The following NCOA5 variants were observed in gnomAD, a reference collection of about 807,000 sequenced individuals.
NCOA5 encodes nuclear receptor coactivator 5.
In NCOA5, 12 loss-of-function variants were observed where a neutral mutation model predicts 59.0. That is an observed-to-expected ratio of 0.20 (90% CI 0.13 to 0.33). The LOEUF is 0.33. Ranked by LOEUF, NCOA5 falls within the 10% of genes least tolerant of loss-of-function variation. The pLI is 1.00. For synonymous variants in NCOA5, 270 were observed against 275.5 expected (o/e 0.98, Z 0.20); for missense variants, 655 against 766.6 (o/e 0.85, Z 1.72).
chr20:46,078,111 T>C (rs1600629560), intron 2 of NCOA5, among the ~76,000 whole-genome samples: 1 of 152,192 alleles, frequency 6.6e-6, no homozygotes, highest in African/African-American at 2.4e-5. Flanking sequence ...GCTGTAGCTA[T>C]GGTATTGGAT....
intron 2 of NCOA5, 131 bp downstream of exon 2, chr20:46,079,256 T>C: frequency 2.4e-6 from 2 of 841,628 alleles, no homozygotes; most frequent in East Asian, 2.5e-5. Context: ...TCACACAGGG[T>C]TCATGTTCTT....
Position 46,062,156 on chromosome 20 carries a change from AAG to A in NCOA5, c.*142_*143del, listed in dbSNP as rs1247301599. The A allele has an allele frequency of 8.0e-6, 5 of 626,346 alleles. No individual in the cohort carries two copies. The highest frequency in any genetic ancestry group is 7.3e-5 in the African/African-American group (4 of 54,440). The allele number at this position is 626,346 out of a possible 1,614,324, so 38.8% of individuals were successfully genotyped here. A position where few individuals can be genotyped will look rare whatever the true frequency, so the allele number is the denominator to read the frequency against. On this transcript the variant is annotated 3_prime_UTR_variant, in exon 8 of 8. Coordinates refer to ENST00000290231, the MANE Select transcript of NCOA5 (RefSeq NM_020967.3). ...GAATAAGCAACACAGCCTTGGGCAGAAGAGAGAGCAGGTGGTAGAAATTGATG... is the reference window on the plus strand; with the variant it reads ...GAATAAGCAACACAGCCTTGGGCAGAAGAGAGCAGGTGGTAGAAATTGATG...
intron 2 of NCOA5, among the ~76,000 whole-genome samples, chr20:46,078,731 C>G (rs1362172898): frequency 6.6e-6 from 1 of 152,004 alleles, no homozygotes; most frequent in Admixed American, 6.5e-5. Context: ...AGAGGAGGGA[C>G]CAATTTAATG....
In NCOA5 at chr20:46,062,544, G is replaced by A. The variant is rs2084777820; in HGVS notation, c.1496C>T (p.Pro499Leu). ...GQGGSAQNMGPRPGAPSQGLF... is the reference protein window; with the variant it reads ...GQGGSAQNMGLRPGAPSQGLF... ...CCCTTGGGAAGGAGCCCCAGGTCTG[G>A]GGCCCATGTTCTGAGCAGATCCTCC... Residue 499 changes from proline to leucine, a missense_variant, in exon 8 of 8, where the codon CCC becomes CTC. By Grantham distance (98) the Pro-to-Leu change is moderately conservative. Transcript: ENST00000290231. The A allele has an allele frequency of 3.7e-6, 6 of 1,614,204 alleles. No individual in the cohort carries two copies. The highest frequency in any genetic ancestry group is 4.2e-6 in the Non-Finnish European group (5 of 1,180,028).
chr20:46,067,395 C>T lies in NCOA5; in HGVS notation c.503-214G>A, dbSNP rs547512476. Among the ~76,000 whole-genome samples the T allele has an allele frequency of 2.0e-5, 3 of 152,272 alleles. No individual in the cohort carries two copies. In the East Asian group the frequency reaches 5.8e-4, roughly 29 times the overall value. On this transcript the variant is annotated intron_variant, in intron 4 of 7. Transcript: ENST00000290231. Reference sequence around the variant, plus strand: ...ATTTTAATGCTGCATCTGATACTTACTGCCAAGCTGCTCCCTGAGAAGGCT... The same window carrying T: ...ATTTTAATGCTGCATCTGATACTTATTGCCAAGCTGCTCCCTGAGAAGGCT...
chr20:46,073,687 C>T (rs1406351204), intron 2 of NCOA5, among the ~76,000 whole-genome samples: 2 of 152,202 alleles, frequency 1.3e-5, no homozygotes, highest in Non-Finnish European at 2.9e-5. Flanking sequence ...AGACCACACA[C>T]AAAGCCTTGG....
intron 7 of NCOA5, 69 bp from the exon 8 acceptor site, chr20:46,062,958 G>T: frequency 7.6e-7 from 1 of 1,316,356 alleles, no homozygotes. Context: ...AGCAGCCAAA[G>T]GAAGAACAAC....
At position 46,062,079 on chromosome 20, in the gene NCOA5, A is replaced by C; in HGVS notation, c.*221T>G. The stretch of plus-strand genomic sequence containing the variant: ...CCCCCGGAGATATTTATTTTCTACA[A>C]AACAAAAAACAAAAAAAGATACAGC... On this transcript the variant is annotated 3_prime_UTR_variant, in exon 8 of 8. Transcript: ENST00000290231. 2.2e-6 allele frequency: 1 copy of C among 457,248 alleles called. No individual in the cohort carries two copies. Among genetic ancestry groups the C allele is most frequent in the Admixed American group, 3.7e-5 (1 of 27,132 alleles). 28.3% of individuals were successfully genotyped at this position (457,248 alleles called of 1,614,324 possible).
chr20:46,084,687 A>T (rs534807039), intron 1 of NCOA5, among the ~76,000 whole-genome samples: 2 of 152,354 alleles, frequency 1.3e-5, no homozygotes, highest in African/African-American at 4.8e-5. Flanking sequence ...CTCTGAATCT[A>T]TATTTCCTTT....
At chr20:46,087,933 G>A (rs2085060714) in intron 1 of NCOA5, among the ~76,000 whole-genome samples, 1 of 151,238 alleles carries the variant, frequency 6.6e-6, no homozygotes, top group South Asian at 2.1e-4. Context: ...TAACCCCAAA[G>A]AAACATGTTT....
chr20:46,086,399 C>T (rs2085045796), intron 1 of NCOA5, among the ~76,000 whole-genome samples: 1 of 152,112 alleles, frequency 6.6e-6, no homozygotes, highest in Admixed American at 6.5e-5. Context: ...GATGACCATT[C>T]CCATAAATAT....
At position 46,083,413 on chromosome 20, in the gene NCOA5, T is replaced by C. The variant is rs113977288; in HGVS notation, c.-29-3960A>G. Among the ~76,000 whole-genome samples the C allele has an allele frequency of 4.1e-3, 619 of 152,364 alleles. 3 individuals are homozygous for C. Among genetic ancestry groups the C allele is most frequent in the African/African-American group, 0.014 (592 of 41,590 alleles). On this transcript the variant is annotated intron_variant, in intron 1 of 7. Coordinates refer to ENST00000290231, the MANE Select transcript of NCOA5 (RefSeq NM_020967.3). ...CTCTGCTTTCCTCAGCTCCCTTCTC[T>C]GTTTATAAAGCCAAACGCCTCTGCT...
intron 1 of NCOA5, among the ~76,000 whole-genome samples, chr20:46,084,537 C>CA (rs1157234816): frequency 2.0e-5 from 3 of 152,218 alleles, no homozygotes; most frequent in Non-Finnish European, 2.9e-5. Context: ...TATTAACATT[C>CA]ACCACAACTC....
intron 1 of NCOA5, among the ~76,000 whole-genome samples, chr20:46,089,595 G>A (rs1020631759): frequency 2.1e-4 from 32 of 152,192 alleles, no homozygotes; most frequent in Admixed American, 2.0e-3. Flanking sequence ...GAGAACCGTA[G>A]GCCGCCTCGG....
At chr20:46,079,835 T>C (rs139169351) in intron 1 of NCOA5, among the ~76,000 whole-genome samples, 3 of 152,262 alleles carry the variant, frequency 2.0e-5, no homozygotes, top group Non-Finnish European at 4.4e-5. Flanking sequence ...GGGGGGAAGA[T>C]AAGGAGAGTT....
chr20:46,062,710 C>T lies in NCOA5; in HGVS notation c.1330G>A (p.Val444Met), dbSNP rs762533238. Reference protein sequence around the residue: ...KILSLFNSGTVTANSSSASPS... With the variant: ...KILSLFNSGTMTANSSSASPS... ...GATGCAGAGCTGCTATTGGCCGTCACTGTGCCACTATTGAAGAGGCTGAGG... is the reference window on the plus strand; with the variant it reads ...GATGCAGAGCTGCTATTGGCCGTCATTGTGCCACTATTGAAGAGGCTGAGG... The change falls in exon 8 of 8, where the codon GTG becomes ATG. Residue 444 changes from valine to methionine, a missense_variant. Coordinates refer to ENST00000290231, the MANE Select transcript of NCOA5 (RefSeq NM_020967.3). The T allele has an allele frequency of 5.6e-6, 9 of 1,613,930 alleles. No individual in the cohort carries two copies. The Admixed American group carries it at 8.3e-5, about 15-fold the overall frequency.
chr20:46,082,663 T>C (rs2085003547), intron 1 of NCOA5, among the ~76,000 whole-genome samples: 1 of 152,204 alleles, frequency 6.6e-6, no homozygotes, highest in Non-Finnish European at 1.5e-5. Context: ...TTCAAAATCA[T>C]CATAATCACC....
chr20:46,085,094 G>C (rs2085032463), intron 1 of NCOA5, among the ~76,000 whole-genome samples: 1 of 152,222 alleles, frequency 6.6e-6, no homozygotes, highest in East Asian at 1.9e-4. Context: ...GCAGTGGCTC[G>C]ATCATAACTC....
intron 2 of NCOA5, among the ~76,000 whole-genome samples, chr20:46,074,126 T>C (rs1160178222): frequency 2.0e-5 from 3 of 152,200 alleles, no homozygotes; most frequent in African/African-American, 4.8e-5. Context: ...CTGCTGTTCT[T>C]CTGGAGACGA....
Sources: allele counts gnomAD v4.1 joint callset (sites outside exome capture counted in the v4.1 genomes callset), GRCh38; gene constraint gnomAD v4.1.1; transcripts MANE v1.5; gene names NCBI Gene and HGNC (gene_info 2026-07-23, HGNC 2026-07-21).